The following MED15 variants were observed in gnomAD, a reference collection of about 807,000 sequenced individuals.
MED15 encodes mediator of RNA polymerase II transcription subunit 15.
In MED15, 41 loss-of-function variants were observed where a neutral mutation model predicts 118.7. The ratio of observed to expected loss-of-function variants is 0.35; its 90% confidence interval spans 0.27 to 0.45. MED15 has a LOEUF of 0.45. Among genes scored for constraint, MED15 ranks in the 20% least tolerant of loss-of-function variants. The pLI is 1.00. For missense variants in MED15, 740 were observed against 1,025.5 expected, an observed-to-expected ratio of 0.72 and a Z score of 3.80; for synonymous variants, 436 against 413.9, an observed-to-expected ratio of 1.05 and a Z score of -0.65.
Position 20,541,066 on chromosome 22 carries a change from A to G in MED15, c.156+3862A>G, listed in dbSNP as rs925113720. Among the ~76,000 whole-genome samples, 7 of 152,154 alleles carry G rather than the reference A, an allele frequency of 4.6e-5. No homozygotes were observed. The East Asian group carries it at 1.4e-3, about 29-fold the overall frequency. The stretch of plus-strand genomic sequence containing the variant: ...ACATGGTGAAACCCTGTCTCTACTT[A>G]AAATACAAAAAAAGGAAAAAAAATT... On this transcript the variant is annotated intron_variant, in intron 2 of 17. Coordinates refer to ENST00000263205, the MANE Select transcript of MED15 (RefSeq NM_001003891.3).
At chr22:20,537,322 G>A (rs777647289) in intron 2 of MED15, 118 bp downstream of exon 2, 102 of 799,814 alleles carry the variant, frequency 1.3e-4, no homozygotes, top group Admixed American at 4.3e-4. Context: ...GTTGCTCATC[G>A]ATTGATCACA....
chr22:20,511,225 C>T (rs2054051778), intron 1 of MED15, among the ~76,000 whole-genome samples: 1 of 152,140 alleles, frequency 6.6e-6, no homozygotes, highest in Non-Finnish European at 1.5e-5. Context: ...GAGAAAGTGT[C>T]TTGCTTGTGG....
At chr22:20,569,611 C>CT (rs2056570538) in intron 8 of MED15, among the ~76,000 whole-genome samples, 1 of 151,798 alleles carries the variant, frequency 6.6e-6, no homozygotes, top group Admixed American at 6.6e-5. Flanking sequence ...CCTGCTACCT[C>CT]TTTTAAGTCC....
At chr22:20,556,425 C>T (rs914219594) in intron 5 of MED15, among the ~76,000 whole-genome samples, 6 of 152,046 alleles carry the variant, frequency 3.9e-5, no homozygotes, top group Non-Finnish European at 7.4e-5. Context: ...CCTCAGCCTC[C>T]GACTACCTGG....
chr22:20,521,088 A>ATTTTTTTTTT (rs924603121), intron 1 of MED15, among the ~76,000 whole-genome samples: 1 of 61,498 alleles, frequency 1.6e-5, no homozygotes, highest in Non-Finnish European at 3.1e-5. Context: ...CAGTTGTTCT[A>ATTTTTTTTTT]TTTTTTTTTT....
rs2056453389 is a variant in MED15, at chr22:20,566,667, G to A, written c.891G>A (p.Gln297=). ...AGCTGCAGCAGATGCATCACACACAGCACCACCAGCCGCCACCACAGCCCC... is the reference window on the plus strand; with the variant it reads ...AGCTGCAGCAGATGCATCACACACAACACCACCAGCCGCCACCACAGCCCC... The part of the protein sequence containing the change: ...PQQLQQMHHT[Q]HHQPPPQPQQ... The change falls in exon 7 of 18, where the codon CAG becomes CAA. Residue 297 remains glutamine (Q), a synonymous_variant. Transcript: ENST00000263205. 2.5e-6 allele frequency: 4 copies of A among 1,614,102 alleles called. No individual in the cohort carries two copies. Among genetic ancestry groups the A allele is most frequent in the Non-Finnish European group, 3.4e-6 (4 of 1,180,018 alleles).
At chr22:20,571,449 T>C (rs1037504625) in intron 8 of MED15, among the ~76,000 whole-genome samples, 7 of 152,368 alleles carry the variant, frequency 4.6e-5, no homozygotes, top group African/African-American at 1.7e-4. Flanking sequence ...ATGCAGGGGA[T>C]TCCCAAGTGC....
Position 20,583,003 on chromosome 22 carries a change from C to T in MED15, c.1537+36C>T, listed in dbSNP as rs2057033895. The T allele has an allele frequency of 1.9e-6, 3 of 1,597,808 alleles. No individual in the cohort carries two copies. In the East Asian group the frequency reaches 6.7e-5, roughly 36 times the overall value. Reference sequence around the variant, plus strand: ...CCTGAGGTGCTAAGGTCACTCCTCACCTTTATGAGGCCTCAGCTCATACTG... The same window carrying T: ...CCTGAGGTGCTAAGGTCACTCCTCATCTTTATGAGGCCTCAGCTCATACTG... On this transcript the variant is annotated intron_variant, in intron 11 of 17. Coordinates refer to ENST00000263205, the MANE Select transcript of MED15 (RefSeq NM_001003891.3).
At chr22:20,557,965 G>T (rs934914145) in intron 5 of MED15, among the ~76,000 whole-genome samples, 3 of 152,204 alleles carry the variant, frequency 2.0e-5, no homozygotes, top group African/African-American at 7.2e-5. Flanking sequence ...AATTAGCCGG[G>T]CGTAGTGGTG....
chr22:20,568,285 T>C (rs2146603209), intron 7 of MED15, among the ~76,000 whole-genome samples: 1 of 152,276 alleles, frequency 6.6e-6, no homozygotes, highest in Admixed American at 6.5e-5. Flanking sequence ...TGATAGCTGG[T>C]GCTGAGGGAT....
At chr22:20,580,698 T>G (rs1373284284) in intron 9 of MED15, among the ~76,000 whole-genome samples, 1 of 152,184 alleles carries the variant, frequency 6.6e-6, no homozygotes, top group African/African-American at 2.4e-5. Context: ...TGTTGACACC[T>G]GGATAAGTCT....
chr22:20,568,585 C>T lies in MED15; in HGVS notation c.1106C>T (p.Ala369Val), dbSNP rs1234629373. 3 of 1,613,720 alleles carry T rather than the reference C, an allele frequency of 1.9e-6. No homozygotes were observed. The highest frequency in any genetic ancestry group is 2.2e-5 in the East Asian group (1 of 44,896). Residue 369 changes from alanine to valine, a missense_variant, in exon 8 of 18, where the codon GCA becomes GTA. By Grantham distance (64) the Ala-to-Val change is moderately conservative. Coordinates refer to ENST00000263205, the MANE Select transcript of MED15 (RefSeq NM_001003891.3). Reference sequence around the variant, plus strand: ...CCCCAGGTGCAGCAGCAGCAGACAGCAGTACAGACAGCTCAGGCTGCCCAG... The same window carrying T: ...CCCCAGGTGCAGCAGCAGCAGACAGTAGTACAGACAGCTCAGGCTGCCCAG... Reference protein sequence around the residue: ...VQPQVQQQQTAVQTAQAAQMV... With the variant: ...VQPQVQQQQTVVQTAQAAQMV...
chr22:20,549,884 T>C (rs1381854385), intron 2 of MED15, among the ~76,000 whole-genome samples: 1 of 152,214 alleles, frequency 6.6e-6, no homozygotes, highest in Non-Finnish European at 1.5e-5. Flanking sequence ...TGCTCAGCCC[T>C]GGTGTTATGC....
Position 20,532,546 on chromosome 22 carries a change from A to G in MED15, c.69-4571A>G, listed in dbSNP as rs557535744. 3.3e-5 allele frequency among the ~76,000 whole-genome samples: 5 copies of G among 152,332 alleles called. No homozygotes were observed. The South Asian group carries it at 1.0e-3, about 32-fold the overall frequency. On this transcript the variant is annotated intron_variant, in intron 1 of 17. Coordinates refer to ENST00000263205, the MANE Select transcript of MED15 (RefSeq NM_001003891.3). ...ACAGACATAGCTATGGCAACCAGCT[A>G]GACCATGGCCAAAGGCAGAGCATTG...
intron 1 of MED15, among the ~76,000 whole-genome samples, chr22:20,509,799 C>T (rs2054001222): frequency 6.6e-6 from 1 of 152,022 alleles, no homozygotes; most frequent in Non-Finnish European, 1.5e-5. Context: ...TGAGAGATAT[C>T]CCACTTCAGG....
At chr22:20,561,093 C>G (rs898445069) in intron 5 of MED15, among the ~76,000 whole-genome samples, 5 of 151,952 alleles carry the variant, frequency 3.3e-5, no homozygotes, top group Admixed American at 2.0e-4. Context: ...AAAATTATTG[C>G]TAAAACAATG....
chr22:20,548,655 T>C (rs1297074332), intron 2 of MED15, among the ~76,000 whole-genome samples: 1 of 152,222 alleles, frequency 6.6e-6, no homozygotes, highest in Non-Finnish European at 1.5e-5. Flanking sequence ...GTGTTTACGT[T>C]CCACAGGTCT....
chr22:20,532,723 C>T (rs1406234602), intron 1 of MED15, among the ~76,000 whole-genome samples: 1 of 152,146 alleles, frequency 6.6e-6, no homozygotes, highest in Admixed American at 6.5e-5. Context: ...CTTTGGTGGC[C>T]GCCTCATAGG....
intron 3 of MED15, 26 bp from the exon 4 acceptor site, chr22:20,553,119 G>GT (rs761942147): frequency 3.7e-6 from 6 of 1,601,370 alleles, no homozygotes; most frequent in African/African-American, 1.3e-5. Flanking sequence ...GTTTACTTTC[G>GT]TTTTTTTGTT....
Sources: allele counts gnomAD v4.1 joint callset (sites outside exome capture counted in the v4.1 genomes callset), GRCh38; gene constraint gnomAD v4.1.1; transcripts MANE v1.5; gene names NCBI Gene and HGNC (gene_info 2026-07-23, HGNC 2026-07-21).